The following FREM1 variants were observed in gnomAD, a reference collection of about 807,000 sequenced individuals.
The protein encoded by FREM1 is FRAS1-related extracellular matrix protein 1.
FREM1 carries 220 observed loss-of-function variants against 210.1 expected under a neutral mutation model. The ratio of observed to expected loss-of-function variants is 1.05; its 90% CI spans 0.94 to 1.17. The LOEUF is 1.17. FREM1 is among the 50% of genes most tolerant of loss of function. FREM1 has a pLI of 0.00. For synonymous variants in FREM1, 1,189 were observed against 980.2 expected (o/e 1.21, Z -3.98); for missense variants, 3,454 against 2,675.5 (o/e 1.29, Z -6.42).
intron 1 of FREM1, among the ~76,000 whole-genome samples, chr9:14,874,894 C>T (rs1467860806): frequency 6.6e-6 from 1 of 152,134 alleles, no homozygotes; most frequent in South Asian, 2.1e-4. Flanking sequence ...ATTTGCTTGT[C>T]TGTAAAGTGT....
chr9:14,871,570 G>A (rs1051419543), intron 1 of FREM1, among the ~76,000 whole-genome samples: 24 of 152,194 alleles, frequency 1.6e-4, no homozygotes, highest in Admixed American at 5.9e-4. Context: ...TGTCAAATGA[G>A]TAGGTTGCGA....
chr9:14,815,657 G>GT (rs200099922), intron 15 of FREM1, among the ~76,000 whole-genome samples: 197 of 151,850 alleles, frequency 1.3e-3, no homozygotes, highest in African/African-American at 4.6e-3. Context: ...CATTCAAATT[G>GT]TTTTTTTTGA....
rs760219787 is a variant in FREM1 at position 14,808,094 on chromosome 9, T to C, written c.2934A>G (p.Thr978=). The change falls in exon 17 of 37, where the codon ACA becomes ACG. Residue 978 remains threonine, a synonymous_variant. Transcript: ENST00000380880. ...CAGCCTCTCCATCCGAAACCACCAA[T>C]GTAATGGTGTCAAAACAAGGCATCA... ...IGLMPCFDTI[T]LVVSDGEAGP... 1.2e-6 allele frequency: 2 copies of C among 1,612,676 alleles called. No homozygotes were observed. Among genetic ancestry groups the C allele is most frequent in the African/African-American group, 2.7e-5 (2 of 75,010 alleles).
intron 1 of FREM1, among the ~76,000 whole-genome samples, chr9:14,894,981 C>T (rs1397478581): frequency 6.6e-6 from 1 of 152,062 alleles, no homozygotes; most frequent in Non-Finnish European, 1.5e-5. Context: ...GGCCTCATAC[C>T]TTGTCTACAC....
chr9:14,749,473 G>C (rs1842977404), intron 30 of FREM1, among the ~76,000 whole-genome samples: 1 of 152,158 alleles, frequency 6.6e-6, no homozygotes, highest in African/African-American at 2.4e-5. Context: ...GTGTAAGATT[G>C]AGTATGGTAC....
chr9:14,833,185 G>T (rs994914133), intron 10 of FREM1, among the ~76,000 whole-genome samples: 1 of 152,188 alleles, frequency 6.6e-6, no homozygotes, highest in Non-Finnish European at 1.5e-5. Context: ...CAAGGGCAGG[G>T]TTTATAAAAT....
At position 14,902,142 on chromosome 9, in the gene FREM1, G is replaced by A. The variant is rs1397696727; in HGVS notation, c.-268+7772C>T. The stretch of plus-strand genomic sequence containing the variant: ...ATTACAGGCATGAGCCACCACACTT[G>A]GCTGTTGTTAATTAATATGGAATTT... On this transcript the variant is annotated intron_variant, in intron 1 of 36. Coordinates refer to ENST00000380880, the MANE Select transcript of FREM1 (RefSeq NM_001379081.2). 2.6e-5 allele frequency among the ~76,000 whole-genome samples: 4 copies of A among 152,004 alleles called. No homozygotes were observed. The East Asian group carries it at 7.7e-4, about 29-fold the overall frequency.
At chr9:14,875,272 T>G (rs550081573) in intron 1 of FREM1, among the ~76,000 whole-genome samples, 2 of 152,324 alleles carry the variant, frequency 1.3e-5, no homozygotes, top group Admixed American at 1.3e-4. Context: ...TTTTCCAACT[T>G]GGTTCCATTC....
Position 14,750,157 on chromosome 9 carries a change from C to G in FREM1, c.5527G>C (p.Ala1843Pro), listed in dbSNP as rs1226635978. 2 of 1,613,598 alleles carry G rather than the reference C, an allele frequency of 1.2e-6. No individual in the cohort carries two copies. ...VNAVLGTKTK[A>P]AVKILDSKGG... ...TTTGAGTCCAAAATTTTCACTGCAG[C>G]TTTTGTCTTTGTGCCAAGAACTGCA... The change falls in exon 30 of 37, where the codon GCT becomes CCT. Residue 1843 changes from alanine (A) to proline (P), a missense_variant. Transcript: ENST00000380880.
intron 29 of FREM1, among the ~76,000 whole-genome samples, chr9:14,752,678 T>C (rs1166686830): frequency 2.0e-5 from 3 of 152,076 alleles, no homozygotes; most frequent in African/African-American, 7.2e-5. Flanking sequence ...TAAGAGGTGG[T>C]CAATGAAGAA....
Position 14,737,409 on chromosome 9 carries a change from G to T in FREM1, c.6527C>A (p.Ser2176Tyr). The T allele has an allele frequency of 1.9e-6, 3 of 1,613,378 alleles. No homozygotes were observed. The highest frequency in any genetic ancestry group is 2.5e-6 in the Non-Finnish European group (3 of 1,179,592). The change falls in exon 37 of 37, where the codon TCC (serine) becomes TAC (tyrosine). Residue 2176 changes from serine (S) to tyrosine (Y), a missense_variant. Ser to Tyr is a moderately radical substitution (Grantham distance 144, BLOSUM62 -2). Coordinates refer to ENST00000380880, the MANE Select transcript of FREM1 (RefSeq NM_001379081.2). ...RRAKPHNYVCSRKL is the reference protein window; with the variant it reads ...RRAKPHNYVCYRKL ...GGTCTGTTATATTTAGAGTTTTCTG[G>T]AACACACATAATTATGAGGTTTGGC...
At chr9:14,835,332 T>C (rs1001051770) in intron 10 of FREM1, among the ~76,000 whole-genome samples, 6 of 152,186 alleles carry the variant, frequency 3.9e-5, no homozygotes, top group Admixed American at 2.0e-4. Context: ...GGAGACTATC[T>C]GTAAGTACTC....
chr9:14,810,719 A>T (rs1036195066), intron 16 of FREM1, among the ~76,000 whole-genome samples: 1 of 152,216 alleles, frequency 6.6e-6, no homozygotes, highest in African/African-American at 2.4e-5. Flanking sequence ...ATTTCAGGTG[A>T]TAATCTAAAT....
chr9:14,752,587 G>C (rs1219465762), intron 29 of FREM1, among the ~76,000 whole-genome samples: 4 of 152,008 alleles, frequency 2.6e-5, no homozygotes, highest in Admixed American at 1.3e-4. Flanking sequence ...AGAAAGTCTG[G>C]AGATCCAGGC....
chr9:14,802,001 G>A, intron 19 of FREM1, 127 bp from the exon 20 acceptor site: 3 of 635,666 alleles, frequency 4.7e-6, no homozygotes, highest in Non-Finnish European at 8.0e-6. Context: ...TATATAGGAT[G>A]AGTCCTAAAA....
chr9:14,871,598 A>G lies in FREM1; in HGVS notation c.-267-2354T>C, dbSNP rs554987022. On this transcript the variant is annotated intron_variant, in intron 1 of 36. Coordinates refer to ENST00000380880, the MANE Select transcript of FREM1 (RefSeq NM_001379081.2). ...GGTTGCGAAAATTTTCTCCCATTGTATAGGTTGCCTGTTCACTCTGATGGT... is the reference window on the plus strand; with the variant it reads ...GGTTGCGAAAATTTTCTCCCATTGTGTAGGTTGCCTGTTCACTCTGATGGT... Among the ~76,000 whole-genome samples the G allele has an allele frequency of 1.5e-3, 232 of 152,194 alleles. 1 individual carries two copies. Among genetic ancestry groups the G allele is most frequent in the African/African-American group, 5.1e-3 (211 of 41,530 alleles).
intron 1 of FREM1, among the ~76,000 whole-genome samples, chr9:14,874,372 T>A (rs1833296510): frequency 6.6e-6 from 1 of 150,718 alleles, no homozygotes; most frequent in African/African-American, 2.5e-5. Context: ...GCATATATAT[T>A]TAGGATAGTT....
rs1171139949 is a variant in FREM1, at chr9:14,861,030, CAT to C, written c.330-1548_330-1547del. 5.4e-5 allele frequency among the ~76,000 whole-genome samples: 4 copies of C among 74,030 alleles called. 1 individual carries two copies. The highest frequency in any genetic ancestry group is 2.1e-4 in the African/African-American group (3 of 14,558). The allele number at this position is 74,030 out of a possible 152,430, so 48.6% of individuals were successfully genotyped here. ...ATATATACATATATACACATATATA[CAT>C]ATATACATATATACATATATACATA... On this transcript the variant is annotated intron_variant, in intron 3 of 36. Coordinates refer to ENST00000380880, the MANE Select transcript of FREM1 (RefSeq NM_001379081.2).
chr9:14,893,386 G>A (rs1837202892), intron 1 of FREM1, among the ~76,000 whole-genome samples: 1 of 152,192 alleles, frequency 6.6e-6, no homozygotes, highest in Non-Finnish European at 1.5e-5. Context: ...TAAGCCTGCT[G>A]TCTAAGACAG....
Sources: allele counts gnomAD v4.1 joint callset (sites outside exome capture counted in the v4.1 genomes callset), GRCh38; gene constraint gnomAD v4.1.1; transcripts MANE v1.5; gene names NCBI Gene and HGNC (gene_info 2026-07-23, HGNC 2026-07-21).